PDE11A: variants seen among roughly 807,000 people sequenced by gnomAD.
PDE11A encodes dual 3',5'-cyclic-AMP and -GMP phosphodiesterase 11A.
Under a neutral mutation model 100.5 loss-of-function variants are expected in PDE11A, and 100 were observed. That is an observed-to-expected ratio of 1.00 (90% CI 0.85 to 1.18). The LOEUF (loss-of-function observed/expected upper bound fraction) is 1.18. PDE11A is among the 50% of genes most tolerant of loss of function. PDE11A has a pLI of 0.00. For synonymous variants in PDE11A, 381 were observed against 420.8 expected (o/e 0.91, Z 1.16); for missense variants, 1,141 against 1,152.6 (o/e 0.99, Z 0.15).
intron 2 of PDE11A, among the ~76,000 whole-genome samples, chr2:178,013,771 A>G (rs1168313077): frequency 6.6e-6 from 1 of 152,222 alleles, no homozygotes; most frequent in Non-Finnish European, 1.5e-5. Context: ...TTCAGAGCAA[A>G]AAGTACATTA....
At chr2:177,635,912 A>C (rs1269823919) in intron 19 of PDE11A, among the ~76,000 whole-genome samples, 1 of 151,598 alleles carries the variant, frequency 6.6e-6, no homozygotes, top group East Asian at 1.9e-4. Context: ...TTGTTTAACC[A>C]GTTCCTTTTT....
intron 18 of PDE11A, among the ~76,000 whole-genome samples, 158 bp downstream of exon 18, chr2:177,669,335 G>C (rs1357761459): frequency 6.6e-6 from 1 of 152,184 alleles, no homozygotes; most frequent in East Asian, 1.9e-4. Flanking sequence ...TTGGGAATAA[G>C]AGTGTTTAGC....
rs575399721 is a variant in PDE11A, at chr2:178,018,275, C to T, written c.913-3815G>A. 1.1e-4 allele frequency: 46 copies of T among 411,094 alleles called. 1 individual carries two copies. The highest frequency in any genetic ancestry group is 1.9e-3 in the Middle Eastern group (2 of 1,040). The allele number at this position is 411,094 out of a possible 1,614,324, so 25.5% of individuals were successfully genotyped here. On this transcript the variant is annotated intron_variant, in intron 1 of 19. Transcript: ENST00000286063. ...TCTGCGATGGACTACTCCCTGGCTA[C>T]AGCCCTCACTCTCCTTAGTCACTAA... is the stretch of plus-strand genomic sequence containing the variant.
chr2:177,868,090 G>A (rs2084060547), intron 5 of PDE11A, among the ~76,000 whole-genome samples: 1 of 151,940 alleles, frequency 6.6e-6, no homozygotes, highest in South Asian at 2.1e-4. Context: ...TGCTAGAAGG[G>A]GTAATCTGTT....
At chr2:177,913,068 A>C (rs1029879360) in intron 2 of PDE11A, among the ~76,000 whole-genome samples, 1 of 152,186 alleles carries the variant, frequency 6.6e-6, no homozygotes, top group Non-Finnish European at 1.5e-5. Flanking sequence ...ACTAAAAGTC[A>C]TTGAATTGCT....
At chr2:177,789,059 T>C (rs932401621) in intron 9 of PDE11A, among the ~76,000 whole-genome samples, 6 of 152,198 alleles carry the variant, frequency 3.9e-5, no homozygotes, top group African/African-American at 9.7e-5. Flanking sequence ...ATCATTCTGA[T>C]ACCAAAGCCG....
chr2:177,814,430 A>G (rs1428780489), intron 9 of PDE11A, among the ~76,000 whole-genome samples: 2 of 152,212 alleles, frequency 1.3e-5, no homozygotes, highest in African/African-American at 4.8e-5. Flanking sequence ...ATGGATTCCT[A>G]GGCCAGGGAG....
At chr2:178,106,471 A>G (rs2087618812) in intron 1 of PDE11A, among the ~76,000 whole-genome samples, 2 of 152,224 alleles carry the variant, frequency 1.3e-5, no homozygotes, top group East Asian at 3.9e-4. Context: ...TATCAGTTCT[A>G]TTAATTACCT....
chr2:177,655,080 TTAAGA>T (rs1469043482), intron 19 of PDE11A, among the ~76,000 whole-genome samples: 2 of 152,298 alleles, frequency 1.3e-5, no homozygotes, highest in East Asian at 3.9e-4. Flanking sequence ...TAAGAAGAAT[TTAAGA>T]TAAGAATTAA....
At chr2:177,941,361 T>C (rs1298507577) in intron 2 of PDE11A, among the ~76,000 whole-genome samples, 2 of 152,102 alleles carry the variant, frequency 1.3e-5, no homozygotes, top group African/African-American at 4.8e-5. Flanking sequence ...CCCCAAACCC[T>C]AACCCCCTCC....
At chr2:177,715,881 C>T (rs772721956) in intron 12 of PDE11A, among the ~76,000 whole-genome samples, 17 of 152,154 alleles carry the variant, frequency 1.1e-4, no homozygotes, top group Non-Finnish European at 2.2e-4. Flanking sequence ...TAAAGCATCA[C>T]AAAACTCACT....
At position 177,718,940 on chromosome 2, in the gene PDE11A, A is replaced by G. The variant is rs7591504; in HGVS notation, c.2044-7062T>C. On this transcript the variant is annotated intron_variant, in intron 12 of 19. Coordinates refer to ENST00000286063, the MANE Select transcript of PDE11A (RefSeq NM_016953.4). ...ATTTACTGATTTCCTGGCACTAGGA[A>G]CAGGGCAGTGAAGAAGACAGCCGCC... 8.5e-3 allele frequency among the ~76,000 whole-genome samples: 1,288 copies of G among 152,326 alleles called. 20 individuals are homozygous for G. The highest frequency in any genetic ancestry group is 0.029 in the African/African-American group (1,218 of 41,568).
At chr2:177,896,680 G>A (rs781435641) in intron 4 of PDE11A, among the ~76,000 whole-genome samples, 6 of 152,144 alleles carry the variant, frequency 3.9e-5, no homozygotes, top group Non-Finnish European at 7.4e-5. Flanking sequence ...GAGGTGACTG[G>A]CAAGTCACAC....
chr2:177,907,258 G>T lies in PDE11A; in HGVS notation c.1072-2071C>A, dbSNP rs184539512. 1.5e-4 allele frequency among the ~76,000 whole-genome samples: 23 copies of T among 152,224 alleles called. 1 individual carries two copies. Among genetic ancestry groups the T allele is most frequent in the Non-Finnish European group, 1.5e-5 (1 of 68,010 alleles). ...TGAACCTATTTTCTTATCTGTAAATGCCAGGTTTATGGTCTTTTTTAGTTC... is the reference window on the plus strand; with the variant it reads ...TGAACCTATTTTCTTATCTGTAAATTCCAGGTTTATGGTCTTTTTTAGTTC... On this transcript the variant is annotated intron_variant, in intron 2 of 19. Transcript: ENST00000286063.
At chr2:177,747,071 A>C (rs896671840) in intron 10 of PDE11A, among the ~76,000 whole-genome samples, 13 of 152,166 alleles carry the variant, frequency 8.5e-5, no homozygotes, top group Non-Finnish European at 1.5e-4. Context: ...TGTCAGCTGG[A>C]TAGAGGCCAG....
chr2:178,025,314 G>T (rs753761673), intron 1 of PDE11A, among the ~76,000 whole-genome samples: 1 of 152,166 alleles, frequency 6.6e-6, no homozygotes, highest in African/African-American at 2.4e-5. Flanking sequence ...CTTTATTTAA[G>T]TCTTTCAAAT....
At chr2:177,875,607 T>G (rs190291784) in intron 5 of PDE11A, among the ~76,000 whole-genome samples, 1,722 of 151,974 alleles carry the variant, frequency 0.011, 26 homozygotes, top group East Asian at 0.075. Flanking sequence ...GGTCTCGATC[T>G]CCTGATCTCA....
At chr2:177,790,776 G>A (rs368427078) in intron 9 of PDE11A, among the ~76,000 whole-genome samples, 12 of 152,194 alleles carry the variant, frequency 7.9e-5, no homozygotes, top group Middle Eastern at 3.4e-3. Context: ...GCCAAAAGAC[G>A]CATGAAAAAA....
At chr2:177,634,688 G>A (rs1288890504) in intron 19 of PDE11A, among the ~76,000 whole-genome samples, 1 of 152,042 alleles carries the variant, frequency 6.6e-6, no homozygotes, top group East Asian at 1.9e-4. Flanking sequence ...GCGCCCGGCC[G>A]ACTTATTCTT....
Sources: allele counts gnomAD v4.1 joint callset (sites outside exome capture counted in the v4.1 genomes callset), GRCh38; gene constraint gnomAD v4.1.1; transcripts MANE v1.5; gene names NCBI Gene and HGNC (gene_info 2026-07-23, HGNC 2026-07-21).